Variants in SPRY3 observed in about 807,000 individuals in gnomAD.
The protein encoded by SPRY3 is protein sprouty homolog 3.
In SPRY3, 15 loss-of-function variants were observed where a neutral mutation model predicts 20.2. The ratio of observed to expected loss-of-function variants is 0.74; its 90% CI spans 0.50 to 1.14. The LOEUF (loss-of-function observed/expected upper bound fraction) is 1.14, where lower values mean the gene tolerates loss of function less well. SPRY3 is among the 50% of genes most tolerant of loss of function. The pLI, the probability that SPRY3 is intolerant of heterozygous loss-of-function variation, is 0.00. For synonymous variants in SPRY3, 143 were observed against 136.5 expected (o/e 1.05, Z -0.33); for missense variants, 364 against 363.9 (o/e 1.00, Z 0.00).
At chrX:155,692,189 TTTTACATTTAGCTCCCTG>T (rs1250238966) in intron 2 of SPRY3, among the ~76,000 whole-genome samples, 2 of 110,864 alleles carry the variant, frequency 1.8e-5, no homozygotes, top group African/African-American at 6.6e-5. Flanking sequence ...CAGCTTTATA[TTTTACATTTAGCTCCCTG>T]GTTGATTTTG....
chrX:155,735,664 A>G (rs2091163574), intron 2 of SPRY3, among the ~76,000 whole-genome samples: 1 of 151,984 alleles, frequency 6.6e-6, no homozygotes, highest in African/African-American at 2.4e-5. Context: ...CATGGCATAT[A>G]TTTCTCTAAC....
At chrX:155,728,662 G>T (rs1179107961) in intron 2 of SPRY3, among the ~76,000 whole-genome samples, 3 of 152,176 alleles carry the variant, frequency 2.0e-5, no homozygotes, top group Non-Finnish European at 4.4e-5. Context: ...CTAAGACCAT[G>T]GGAAAAGCAC....
intron 2 of SPRY3, among the ~76,000 whole-genome samples, chrX:155,734,623 C>T (rs1411548390): frequency 6.6e-6 from 1 of 151,354 alleles, no homozygotes; most frequent in Non-Finnish European, 1.5e-5. Flanking sequence ...AGAGTGTCCA[C>T]AAATCTTCAA....
At chrX:155,722,640 C>A (rs2124554695) in intron 2 of SPRY3, among the ~76,000 whole-genome samples, 1 of 151,500 alleles carries the variant, frequency 6.6e-6, no homozygotes, top group Non-Finnish European at 1.5e-5. Flanking sequence ...AACCAGAAAA[C>A]AAATAACAAA....
At chrX:155,728,100 T>C (rs1471255646) in intron 2 of SPRY3, among the ~76,000 whole-genome samples, 24 of 152,212 alleles carry the variant, frequency 1.6e-4, no homozygotes, top group Non-Finnish European at 2.9e-4. Flanking sequence ...CTCCAGAACC[T>C]GTTTGCCTGG....
chrX:155,636,564 GGTATGTATGTAT>G lies in SPRY3; in HGVS notation c.-440-20279_-440-20268del, dbSNP rs200537763. Among the ~76,000 whole-genome samples, 25 of 104,782 alleles carry G rather than the reference GGTATGTATGTAT, an allele frequency of 2.4e-4. No individual in the cohort carries two copies. In the East Asian group the frequency reaches 2.7e-3, roughly 11 times the overall value. 91.0% of individuals were successfully genotyped at this position (104,782 alleles called of 115,157 possible). A position where few individuals can be genotyped will look rare whatever the true frequency, so the allele number is the denominator to read the frequency against. On this transcript the variant is annotated intron_variant, in intron 1 of 3. Transcript: ENST00000675360. ...TCTCTTCCTTGTTTTTATGTAGGTA[GGTATGTATGTAT>G]GTATGTATGTATGTATGTATGTACG...
At chrX:155,753,444 A>G (rs2091271953) in intron 2 of SPRY3, among the ~76,000 whole-genome samples, 1 of 151,926 alleles carries the variant, frequency 6.6e-6, no homozygotes, top group Admixed American at 6.6e-5. Context: ...TTGTGTCTAG[A>G]AAATATTCCA....
chrX:155,632,186 G>C (rs185683212), intron 1 of SPRY3, among the ~76,000 whole-genome samples: 25 of 105,724 alleles, frequency 2.4e-4, no homozygotes, highest in African/African-American at 8.6e-4. Context: ...AGGAATGATG[G>C]AGTGAATTCA....
At chrX:155,617,508 A>G (rs782713703) in intron 1 of SPRY3, among the ~76,000 whole-genome samples, 3 of 111,761 alleles carry the variant, frequency 2.7e-5, no homozygotes, top group Non-Finnish European at 3.8e-5. Flanking sequence ...CCTGGTGACT[A>G]TTTTCTGATC....
rs147032519 is a variant in SPRY3, at chrX:155,750,011, G to A, written c.-281-17951G>A. On this transcript the variant is annotated intron_variant, in intron 2 of 3. Coordinates refer to ENST00000675360, the Ensembl canonical transcript of SPRY3. ...AGATAAACAATAGAAGAGGACCAAG[G>A]ATTGAGTCTTACATTACTTCAGTAT... is the stretch of plus-strand genomic sequence containing the variant. Among the ~76,000 whole-genome samples the A allele has an allele frequency of 5.9e-3, 901 of 151,880 alleles. 5 individuals carry two copies. Among genetic ancestry groups the A allele is most frequent in the South Asian group, 0.016 (77 of 4,808 alleles).
intron 1 of SPRY3, among the ~76,000 whole-genome samples, chrX:155,652,602 C>T (rs1231503689): frequency 9.0e-6 from 1 of 111,725 alleles, no homozygotes; most frequent in African/African-American, 3.3e-5. Context: ...GTATATATAC[C>T]ACATTTCATT....
exon 4 of SPRY3, chrX:155,774,958 C>G (rs2091414453): frequency 3.3e-6 from 2 of 607,538 alleles, no homozygotes; most frequent in Non-Finnish European, 2.9e-6. Context: ...TTACACCCTG[C>G]CAGCTCAGCC....
chrX:155,742,344 A>G (rs2091207928), intron 2 of SPRY3, among the ~76,000 whole-genome samples: 1 of 152,200 alleles, frequency 6.6e-6, no homozygotes, highest in Non-Finnish European at 1.5e-5. Context: ...TTCATAAAGC[A>G]AGTTCTTAGA....
chrX:155,769,453 G>A (rs1185768895), intron 3 of SPRY3, among the ~76,000 whole-genome samples: 2 of 152,018 alleles, frequency 1.3e-5, no homozygotes, highest in African/African-American at 4.8e-5. Flanking sequence ...CAGAACGGAG[G>A]TCATTTGCCT....
At chrX:155,671,303 C>G (rs940097036) in intron 2 of SPRY3, among the ~76,000 whole-genome samples, 2 of 111,221 alleles carry the variant, frequency 1.8e-5, no homozygotes, top group African/African-American at 3.3e-5. Context: ...ATCTCTCTCT[C>G]TCTCTCTGAG....
chrX:155,749,731 A>G (rs1602986738), intron 2 of SPRY3, among the ~76,000 whole-genome samples: 1 of 151,870 alleles, frequency 6.6e-6, no homozygotes. Flanking sequence ...TGCCTGGGGA[A>G]CTAGAATAAC....
intron 2 of SPRY3, among the ~76,000 whole-genome samples, chrX:155,754,511 A>G (rs2091276298): frequency 6.6e-6 from 1 of 151,944 alleles, no homozygotes; most frequent in African/African-American, 2.4e-5. Flanking sequence ...GTAAGCTTTG[A>G]AGTCAGAAAG....
At chrX:155,644,191 GTCTC>G (rs1256770829) in intron 1 of SPRY3, among the ~76,000 whole-genome samples, 4 of 110,391 alleles carry the variant, frequency 3.6e-5, no homozygotes, top group African/African-American at 1.3e-4. Context: ...CACAAATGGA[GTCTC>G]TCTTTCTGTT....
At chrX:155,745,579 T>C (rs2091221759) in intron 2 of SPRY3, among the ~76,000 whole-genome samples, 1 of 152,054 alleles carries the variant, frequency 6.6e-6, no homozygotes, top group Non-Finnish European at 1.5e-5. Flanking sequence ...ATCCTTGACA[T>C]GCAGAAAGAC....
Sources: allele counts gnomAD v4.1 joint callset (sites outside exome capture counted in the v4.1 genomes callset), GRCh38; gene constraint gnomAD v4.1.1; transcripts MANE v1.5; gene names NCBI Gene and HGNC (gene_info 2026-07-23, HGNC 2026-07-21).